Variants in ADAMTSL3 observed in about 807,000 individuals in gnomAD.
The protein encoded by ADAMTSL3 is ADAMTS like 3.
Under a neutral mutation model 201.7 loss-of-function variants are expected in ADAMTSL3, and 128 were observed. The observed-to-expected ratio is 0.63, with a 90% CI of 0.55 to 0.73. The LOEUF (loss-of-function observed/expected upper bound fraction) is 0.73. Among genes scored for constraint, ADAMTSL3 ranks in the 30% least tolerant of loss-of-function variants. The pLI is 0.00. For synonymous variants in ADAMTSL3, 738 were observed against 748.4 expected, an observed-to-expected ratio of 0.99 and a Z score of 0.23; for missense variants, 1,990 against 2,119.6, an observed-to-expected ratio of 0.94 and a Z score of 1.20.
intron 16 of ADAMTSL3, among the ~76,000 whole-genome samples, chr15:83,918,780 TTTTA>T (rs575952288): frequency 5.8e-4 from 89 of 152,290 alleles, no homozygotes; most frequent in African/African-American, 2.1e-3. Flanking sequence ...GTGACCAAAT[TTTTA>T]TTTATTTCAA....
chr15:83,680,365 A>T (rs1480771752), intron 2 of ADAMTSL3, among the ~76,000 whole-genome samples: 1 of 151,880 alleles, frequency 6.6e-6, no homozygotes, highest in Non-Finnish European at 1.5e-5. Context: ...CAGGGTGTTT[A>T]GTTGTATTTG....
At chr15:84,031,280 A>G in intron 27 of ADAMTSL3, 55 bp from the exon 28 acceptor site, 7 of 1,553,550 alleles carry the variant, frequency 4.5e-6, no homozygotes, top group Non-Finnish European at 6.2e-6. Context: ...ATCTTAGTAC[A>G]CACAGCATGG....
chr15:83,875,206 G>A (rs1365084017), intron 9 of ADAMTSL3, among the ~76,000 whole-genome samples: 1 of 152,236 alleles, frequency 6.6e-6, no homozygotes, highest in Non-Finnish European at 1.5e-5. Flanking sequence ...GGGAAGGAAG[G>A]AAGGTTGGAT....
chr15:83,684,655 G>A (rs561171453), intron 2 of ADAMTSL3, among the ~76,000 whole-genome samples: 80 of 152,176 alleles, frequency 5.3e-4, no homozygotes, highest in African/African-American at 1.9e-3. Context: ...TTCAATTACT[G>A]GGCATTATGT....
At chr15:83,708,247 A>G (rs2061880670) in intron 3 of ADAMTSL3, among the ~76,000 whole-genome samples, 1 of 152,156 alleles carries the variant, frequency 6.6e-6, no homozygotes, top group Non-Finnish European at 1.5e-5. Flanking sequence ...CTTCCTACCT[A>G]TAGAGTACTC....
At position 84,037,955 on chromosome 15, in the gene ADAMTSL3, G is replaced by T; in HGVS notation, c.*149G>T. 1.6e-6 allele frequency: 2 copies of T among 1,215,534 alleles called. No homozygotes were observed. Among genetic ancestry groups the T allele is most frequent in the South Asian group, 4.0e-5 (2 of 50,212 alleles). 75.3% of individuals were successfully genotyped at this position (1,215,534 alleles called of 1,614,324 possible). A position where few individuals can be genotyped will look rare whatever the true frequency, so the allele number is the denominator to read the frequency against. On this transcript the variant is annotated 3_prime_UTR_variant, in exon 30 of 30. Coordinates refer to ENST00000286744, the MANE Select transcript of ADAMTSL3 (RefSeq NM_207517.3). ...GTTGATGCAAAAACACCACTGTTAA[G>T]GTGTAAAGTGAAATTTTCCAATGGT... is the stretch of plus-strand genomic sequence containing the variant.
At chr15:83,974,998 CTTTTTTTTT>C (rs35557833) in intron 20 of ADAMTSL3, among the ~76,000 whole-genome samples, 25 of 96,166 alleles carry the variant, frequency 2.6e-4, no homozygotes, top group Admixed American at 1.7e-3. Flanking sequence ...CAGCCTGCGT[CTTTTTTTTT>C]TTTTTTTTTT....
At chr15:83,771,390 C>CTTTT (rs1345999522) in intron 3 of ADAMTSL3, among the ~76,000 whole-genome samples, 1 of 152,098 alleles carries the variant, frequency 6.6e-6, no homozygotes, top group Non-Finnish European at 1.5e-5. Context: ...ATCTCTAGAA[C>CTTTT]TTTTTAATTT....
At position 83,756,646 on chromosome 15, in the gene ADAMTSL3, C is replaced by T. The variant is rs573386236; in HGVS notation, c.190-16877C>T. 2.0e-5 allele frequency among the ~76,000 whole-genome samples: 3 copies of T among 150,558 alleles called. No homozygotes were observed. In the Admixed American group the frequency reaches 2.0e-4, roughly 10 times the overall value. ...CCTAACATTTCAAAATCAATCGTGC[C>T]TTCCCAACAGTCCCCCAAGTCTTAA... On this transcript the variant is annotated intron_variant, in intron 3 of 29. Transcript: ENST00000286744.
At chr15:84,016,842 G>A (rs956494083) in intron 25 of ADAMTSL3, among the ~76,000 whole-genome samples, 2 of 152,114 alleles carry the variant, frequency 1.3e-5, no homozygotes, top group Admixed American at 6.5e-5. Flanking sequence ...TATTGGAATT[G>A]ATTTTTTAAT....
At chr15:83,925,995 G>A (rs1478705272) in intron 17 of ADAMTSL3, among the ~76,000 whole-genome samples, 2 of 152,142 alleles carry the variant, frequency 1.3e-5, no homozygotes, top group Admixed American at 6.5e-5. Flanking sequence ...ATATCATTTT[G>A]TAAACTGTTT....
chr15:83,842,849 G>A (rs527859141), intron 7 of ADAMTSL3, among the ~76,000 whole-genome samples: 9 of 152,300 alleles, frequency 5.9e-5, no homozygotes, highest in East Asian at 3.9e-4. Flanking sequence ...ATGGAAGTAC[G>A]TAGAGTTAGT....
At chr15:83,707,624 C>A (rs2061871313) in intron 3 of ADAMTSL3, among the ~76,000 whole-genome samples, 1 of 152,200 alleles carries the variant, frequency 6.6e-6, no homozygotes, top group African/African-American at 2.4e-5. Flanking sequence ...CAAGAAGTAA[C>A]CACCATTCAG....
chr15:83,904,211 G>T (rs1000183731), intron 15 of ADAMTSL3, among the ~76,000 whole-genome samples: 1 of 151,606 alleles, frequency 6.6e-6, no homozygotes, highest in African/African-American at 2.4e-5. Flanking sequence ...CTCTGTGGTC[G>T]CTCTGCAATT....
At chr15:83,994,586 GTTTTTTTTTTT>G (rs3045402) in intron 23 of ADAMTSL3, among the ~76,000 whole-genome samples, 833 of 50,246 alleles carry the variant, frequency 0.017, 16 homozygotes, top group African/African-American at 0.055. Flanking sequence ...TTGTTTTTTC[GTTTTTTTTTTT>G]TTTTTTTTTT....
intron 5 of ADAMTSL3, among the ~76,000 whole-genome samples, chr15:83,810,381 A>G (rs1414803942): frequency 6.6e-6 from 1 of 152,252 alleles, no homozygotes; most frequent in African/African-American, 2.4e-5. Flanking sequence ...GTCAGTGCCA[A>G]CGTAGTCTAG....
At chr15:83,784,838 T>C (rs1217859259) in intron 4 of ADAMTSL3, among the ~76,000 whole-genome samples, 1 of 152,180 alleles carries the variant, frequency 6.6e-6, no homozygotes, top group Non-Finnish European at 1.5e-5. Context: ...TTATTAGAAT[T>C]TGGGATTTTA....
chr15:83,944,682 T>C (rs574619613), intron 19 of ADAMTSL3, among the ~76,000 whole-genome samples: 1 of 152,188 alleles, frequency 6.6e-6, no homozygotes, highest in Non-Finnish European at 1.5e-5. Flanking sequence ...TTATTACACA[T>C]GTATACACTC....
rs1217636699 is a variant in ADAMTSL3 at position 83,913,255 on chromosome 15, C to T, written c.1864C>T (p.Leu622=). 6.2e-7 allele frequency: 1 copy of T among 1,614,134 alleles called. No homozygotes were observed. The highest frequency in any genetic ancestry group is 1.3e-5 in the African/African-American group (1 of 75,052). Residue 622 remains leucine, a synonymous_variant, in exon 16 of 30, where the codon CTG becomes TTG. Coordinates refer to ENST00000286744, the MANE Select transcript of ADAMTSL3 (RefSeq NM_207517.3). The part of the protein sequence containing the change: ...PKLPTERPCL[L]EACDESPASR... ...GCTGCCCACCGAACGGCCCTGCCTCCTGGAAGCATGTGATGAGAGCCCGGC... is the reference window on the plus strand; with the variant it reads ...GCTGCCCACCGAACGGCCCTGCCTCTTGGAAGCATGTGATGAGAGCCCGGC...
Sources: allele counts gnomAD v4.1 joint callset (sites outside exome capture counted in the v4.1 genomes callset), GRCh38; gene constraint gnomAD v4.1.1; transcripts MANE v1.5; gene names NCBI Gene and HGNC (gene_info 2026-07-23, HGNC 2026-07-21).